The following DIS3L2 variants were observed in gnomAD, a reference collection of about 807,000 sequenced individuals.
DIS3L2 encodes DIS3 like 3'-5' exoribonuclease 2.
A neutral mutation model predicts 97.5 loss-of-function variants in DIS3L2; 34 were observed. The observed-to-expected ratio is 0.35, with a 90% CI of 0.27 to 0.46. DIS3L2 has a LOEUF of 0.46. Ranked by LOEUF, DIS3L2 falls within the 20% of genes least tolerant of loss-of-function variation. DIS3L2 has a pLI of 1.00. For synonymous variants in DIS3L2, 435 were observed against 445.2 expected, an observed-to-expected ratio of 0.98 and a Z score of 0.29; for missense variants, 1,038 against 1,146.0, an observed-to-expected ratio of 0.91 and a Z score of 1.36.
intron 14 of DIS3L2, among the ~76,000 whole-genome samples, chr2:232,309,017 G>A (rs1695055480): frequency 6.6e-6 from 1 of 152,176 alleles, no homozygotes; most frequent in Admixed American, 6.5e-5. Flanking sequence ...AGGGAACAGG[G>A]GCAGGCCCGG....
intron 6 of DIS3L2, among the ~76,000 whole-genome samples, chr2:232,122,567 A>G (rs1340451114): frequency 1.3e-5 from 2 of 152,060 alleles, no homozygotes; most frequent in East Asian, 3.9e-4. Flanking sequence ...AAAATACAAA[A>G]ATTAGCCGGG....
At chr2:232,252,978 C>T (rs938837292) in intron 12 of DIS3L2, among the ~76,000 whole-genome samples, 1 of 152,196 alleles carries the variant, frequency 6.6e-6, no homozygotes, top group Non-Finnish European at 1.5e-5. Flanking sequence ...TGAGCTCTCT[C>T]ATCTCCCCAA....
intron 14 of DIS3L2, among the ~76,000 whole-genome samples, chr2:232,300,739 A>G (rs10804380): frequency 0.1 from 15,304 of 149,580 alleles, 1,455 homozygotes; most frequent in East Asian, 0.45. Context: ...ACTGCAGCCC[A>G]AAACTCCCGG....
At chr2:232,063,935 T>C (rs1695782535) in intron 5 of DIS3L2, among the ~76,000 whole-genome samples, 1 of 152,178 alleles carries the variant, frequency 6.6e-6, no homozygotes. Flanking sequence ...ATAAAAAATA[T>C]TTGATACCTT....
chr2:232,084,099 A>T (rs184845941), intron 5 of DIS3L2, among the ~76,000 whole-genome samples: 2 of 152,266 alleles, frequency 1.3e-5, no homozygotes, highest in Admixed American at 6.5e-5. Flanking sequence ...AAATTGAATG[A>T]ATTTGTTGAT....
intron 14 of DIS3L2, among the ~76,000 whole-genome samples, chr2:232,313,324 G>C (rs1369987120): frequency 6.6e-6 from 1 of 152,148 alleles, no homozygotes; most frequent in Non-Finnish European, 1.5e-5. Context: ...TTATGAGCTA[G>C]GAGCTAGGAA....
chr2:232,048,885 C>T (rs1695322497), intron 5 of DIS3L2, among the ~76,000 whole-genome samples: 1 of 152,160 alleles, frequency 6.6e-6, no homozygotes, highest in Admixed American at 6.5e-5. Flanking sequence ...GTCCTATCAG[C>T]ATTTCATGTC....
downstream of DIS3L2, among the ~76,000 whole-genome samples, chr2:232,340,081 G>T (rs1051898171): frequency 6.6e-6 from 1 of 152,174 alleles, no homozygotes; most frequent in Non-Finnish European, 1.5e-5. Context: ...TACTATAGGC[G>T]GAGAGTGCAG....
intron 7 of DIS3L2, among the ~76,000 whole-genome samples, chr2:232,135,204 G>A (rs997725118): frequency 2.0e-5 from 3 of 152,194 alleles, no homozygotes; most frequent in South Asian, 2.1e-4. Flanking sequence ...CTGGATGGAC[G>A]TGGGAGGGCC....
chr2:231,972,484 C>T (rs1692948087), intron 1 of DIS3L2, among the ~76,000 whole-genome samples: 2 of 152,186 alleles, frequency 1.3e-5, no homozygotes. Flanking sequence ...ACTGCCATAG[C>T]ATATATGTCT....
At chr2:232,116,739 C>T (rs375645685) in intron 6 of DIS3L2, among the ~76,000 whole-genome samples, 22 of 152,170 alleles carry the variant, frequency 1.4e-4, no homozygotes, top group African/African-American at 3.6e-4. Flanking sequence ...ATAGAATGTC[C>T]GCCATTAAGG....
intron 10 of DIS3L2, among the ~76,000 whole-genome samples, chr2:232,234,078 T>C (rs965599356): frequency 3.3e-5 from 5 of 152,008 alleles, no homozygotes; most frequent in African/African-American, 9.7e-5. Context: ...AAAATTGGGT[T>C]GTATCATCTT....
chr2:232,333,758 T>C, intron 16 of DIS3L2, 82 bp from the exon 17 acceptor site: 120 of 1,401,536 alleles, frequency 8.6e-5, no homozygotes, highest in Admixed American at 4.6e-4. Flanking sequence ...CTGCCGACGG[T>C]GAGGCTGTGG....
intron 5 of DIS3L2, among the ~76,000 whole-genome samples, chr2:232,086,208 TATATATACACAC>T (rs1696582435): frequency 1.3e-5 from 2 of 151,892 alleles, no homozygotes; most frequent in African/African-American, 2.4e-5. Flanking sequence ...CGTGTATACG[TATATATACACAC>T]GTATAGACGT....
intron 7 of DIS3L2, among the ~76,000 whole-genome samples, chr2:232,133,132 A>C (rs1047967277): frequency 2.0e-5 from 3 of 152,182 alleles, no homozygotes; most frequent in Admixed American, 2.0e-4. Flanking sequence ...GCCAGGTAGC[A>C]CCAATAAAGG....
chr2:232,203,968 C>T (rs1288740464), intron 9 of DIS3L2, among the ~76,000 whole-genome samples: 1 of 152,090 alleles, frequency 6.6e-6, no homozygotes. Context: ...CGGGAGCATG[C>T]AGTCTAACTG....
At chr2:232,122,011 G>A (rs1373614432) in intron 6 of DIS3L2, among the ~76,000 whole-genome samples, 2 of 152,114 alleles carry the variant, frequency 1.3e-5, no homozygotes, top group East Asian at 3.9e-4. Flanking sequence ...TCTGTTCCCT[G>A]TTCAGAAACC....
chr2:232,070,805 G>A (rs1695994122), intron 5 of DIS3L2, among the ~76,000 whole-genome samples: 1 of 152,016 alleles, frequency 6.6e-6, no homozygotes, highest in Non-Finnish European at 1.5e-5. Context: ...GGATGGTCTC[G>A]ATCTCTTGAC....
rs971010896 is a variant in DIS3L2, at chr2:232,336,739, G to A, written c.*109G>A. On this transcript the variant is annotated 3_prime_UTR_variant, in exon 21 of 21. Coordinates refer to ENST00000325385, the MANE Select transcript of DIS3L2 (RefSeq NM_152383.5). ...TTTAATTTGGTTTTTAACAACTCAG[G>A]GGTTTGTTTTTATTTTTATTTAATT... 1.3e-6 allele frequency: 2 copies of A among 1,490,824 alleles called. No individual in the cohort carries two copies. The highest frequency in any genetic ancestry group is 1.8e-6 in the Non-Finnish European group (2 of 1,131,338). The allele number at this position is 1,490,824 out of a possible 1,614,324, so 92.3% of individuals were successfully genotyped here.
Sources: gnomAD v4.1 joint callset for allele counts (sites outside exome capture counted in the v4.1 genomes callset) on GRCh38, gnomAD v4.1.1 for gene constraint, MANE v1.5 for transcripts, NCBI Gene and HGNC (gene_info 2026-07-23, HGNC 2026-07-21) for gene names.